STRN3: variants seen among roughly 807,000 people sequenced by gnomAD.
STRN3 encodes striatin-3.
In STRN3, 29 loss-of-function variants were observed where a neutral mutation model predicts 95.6. The observed-to-expected ratio is 0.30, with a 90% CI of 0.23 to 0.41. The LOEUF (loss-of-function observed/expected upper bound fraction) is 0.41, where lower values mean the gene tolerates loss of function less well. Ranked by LOEUF, STRN3 falls within the 10% of genes least tolerant of loss-of-function variation. The probability of loss-of-function intolerance (pLI) is 1.00; values close to 1 mark genes in which losing one functional copy is unlikely to be tolerated. For missense variants in STRN3, 890 were observed against 972.1 expected, an observed-to-expected ratio of 0.92 and a Z score of 1.12; for synonymous variants, 331 against 357.6, an observed-to-expected ratio of 0.93 and a Z score of 0.84.
intron 15 of STRN3, 46 bp downstream of exon 15, chr14:30,905,372 G>A (rs1265881028): frequency 1.3e-6 from 2 of 1,540,144 alleles, no homozygotes; most frequent in African/African-American, 1.4e-5. Context: ...CCTCTATTGT[G>A]TAATAACCCT....
At chr14:30,965,952 GATTACCCACTCCACCCTGACTCATTCCA>G (rs1566462663) in intron 1 of STRN3, among the ~76,000 whole-genome samples, 2 of 151,416 alleles carry the variant, frequency 1.3e-5, no homozygotes, top group African/African-American at 4.9e-5. Flanking sequence ...AATCTTTTTC[GATTACCCACTCCACCCTGACTCATTCCA>G]ATTACCTACT....
In STRN3 at chr14:30,929,954, C is replaced by CAAAAAAAAAAAAAAAAAAAAAAA. The variant is rs1191963792; in HGVS notation, c.989-666_989-644dup. Among the ~76,000 whole-genome samples, 28 of 39,994 alleles carry CAAAAAAAAAAAAAAAAAAAAAAA rather than the reference C, an allele frequency of 7.0e-4. 3 individuals carry two copies. Among genetic ancestry groups the CAAAAAAAAAAAAAAAAAAAAAAA allele is most frequent in the African/African-American group, 9.9e-4 (8 of 8,056 alleles). 26.2% of individuals were successfully genotyped at this position (39,994 alleles called of 152,430 possible). A position where few individuals can be genotyped will look rare whatever the true frequency, so the allele number is the denominator to read the frequency against. On this transcript the variant is annotated intron_variant, in intron 7 of 17. Transcript: ENST00000357479. ...TCCATTGGTCTACAACTAAGATTAGCAAAAAAAAAAAAAAAAAAAAAAAAA... is the reference window on the plus strand; with the variant it reads ...TCCATTGGTCTACAACTAAGATTAGCAAAAAAAAAAAAAAAAAAAAAAAAAAAAAAAAAAAAAAAAAAAAAAAA...
chr14:30,963,567 C>T (rs1197296892), intron 1 of STRN3, among the ~76,000 whole-genome samples: 1 of 152,166 alleles, frequency 6.6e-6, no homozygotes. Flanking sequence ...CGCCACCAAA[C>T]CCAGCTAATT....
intron 1 of STRN3, among the ~76,000 whole-genome samples, chr14:30,980,394 CTTTG>C (rs1881334009): frequency 6.6e-6 from 1 of 151,978 alleles, no homozygotes; most frequent in African/African-American, 2.4e-5. Flanking sequence ...TGCAATGTTT[CTTTG>C]TTTCTTTTTT....
At chr14:30,903,444 T>TA (rs1896378163) in intron 15 of STRN3, among the ~76,000 whole-genome samples, 1 of 152,178 alleles carries the variant, frequency 6.6e-6, no homozygotes, top group Non-Finnish European at 1.5e-5. Flanking sequence ...CTCTGTCACC[T>TA]AGGCTGGAGT....
intron 1 of STRN3, among the ~76,000 whole-genome samples, chr14:31,002,767 G>A (rs1882528085): frequency 1.3e-5 from 2 of 152,132 alleles, no homozygotes; most frequent in African/African-American, 2.4e-5. Flanking sequence ...GTCCACTTAT[G>A]TAAGGTACCT....
chr14:30,929,954 C>CAA lies in STRN3; in HGVS notation c.989-645_989-644dup, dbSNP rs1191963792. 5.8e-3 allele frequency among the ~76,000 whole-genome samples: 233 copies of CAA among 39,976 alleles called. 22 individuals are homozygous for CAA. The highest frequency in any genetic ancestry group is 7.6e-3 in the Non-Finnish European group (171 of 22,436). The allele number at this position is 39,976 out of a possible 152,430, so 26.2% of individuals were successfully genotyped here. A position where few individuals can be genotyped will look rare whatever the true frequency, so the allele number is the denominator to read the frequency against. ...TCCATTGGTCTACAACTAAGATTAGCAAAAAAAAAAAAAAAAAAAAAAAAA... is the reference window on the plus strand; with the variant it reads ...TCCATTGGTCTACAACTAAGATTAGCAAAAAAAAAAAAAAAAAAAAAAAAAAA... On this transcript the variant is annotated intron_variant, in intron 7 of 17. Coordinates refer to ENST00000357479, the MANE Select transcript of STRN3 (RefSeq NM_001083893.2).
chr14:30,901,946 T>A (rs1353077749), intron 16 of STRN3, among the ~76,000 whole-genome samples: 4 of 151,880 alleles, frequency 2.6e-5, no homozygotes, highest in Admixed American at 2.0e-4. Context: ...GGCAGGTGGA[T>A]CATCTGAGGT....
chr14:30,943,903 G>C (rs141051209), intron 5 of STRN3, among the ~76,000 whole-genome samples: 1 of 152,006 alleles, frequency 6.6e-6, no homozygotes, highest in African/African-American at 2.4e-5. Context: ...GCTGCTGTTC[G>C]AAAGTTATTG....
intron 1 of STRN3, among the ~76,000 whole-genome samples, chr14:30,967,283 G>A (rs1297892170): frequency 6.9e-6 from 1 of 144,176 alleles, no homozygotes; most frequent in East Asian, 2.3e-4. Flanking sequence ...GAGAGGCAGA[G>A]AGGGGGGAAA....
intron 1 of STRN3, among the ~76,000 whole-genome samples, chr14:30,968,169 A>G (rs553508825): frequency 2.0e-5 from 3 of 152,274 alleles, no homozygotes; most frequent in East Asian, 3.9e-4. Flanking sequence ...CAACAAAAGC[A>G]AAGTTTGCTA....
intron 4 of STRN3, among the ~76,000 whole-genome samples, chr14:30,950,120 C>T (rs1411325955): frequency 6.6e-6 from 1 of 151,452 alleles, no homozygotes; most frequent in African/African-American, 2.4e-5. Flanking sequence ...ATAAAAGCAA[C>T]CATAGGTAGA....
intron 1 of STRN3, among the ~76,000 whole-genome samples, chr14:31,005,703 C>A (rs938756226): frequency 3.1e-4 from 47 of 152,212 alleles, no homozygotes; most frequent in African/African-American, 1.1e-3. Flanking sequence ...TGCAGGCAGG[C>A]TCTACTCAAA....
intron 7 of STRN3, among the ~76,000 whole-genome samples, chr14:30,934,399 C>T (rs1339270752): frequency 2.0e-5 from 3 of 152,076 alleles, no homozygotes; most frequent in African/African-American, 7.2e-5. Flanking sequence ...TTCTACCTAC[C>T]ACACAACATG....
At chr14:30,922,638 G>A (rs1896913597) in intron 8 of STRN3, among the ~76,000 whole-genome samples, 1 of 152,126 alleles carries the variant, frequency 6.6e-6, no homozygotes, top group Admixed American at 6.5e-5. Flanking sequence ...AAGCTTAACT[G>A]TTAGCAGGCA....
At position 30,895,508 on chromosome 14, in the gene STRN3, T is replaced by C. The variant is rs1315986791; in HGVS notation, c.2297A>G (p.Lys766Arg). 1.9e-6 allele frequency: 3 copies of C among 1,614,064 alleles called. No homozygotes were observed. Among genetic ancestry groups the C allele is most frequent in the African/African-American group, 2.7e-5 (2 of 74,952 alleles). Reference protein sequence around the residue: ...TCVQEITAHRKKLDESIYDVA... With the variant: ...TCVQEITAHRRKLDESIYDVA... ...ATCATAAATTGATTCATCCAATTTC[T>C]TTCTGTGAGCTGTTATTTCTTGCAC... The change falls in exon 18 of 18, where the codon AAG becomes AGG. Residue 766 changes from lysine to arginine, a missense_variant. Physicochemically the swap from Lys to Arg is conservative, Grantham distance 26 (BLOSUM62 2). Transcript: ENST00000357479.
chr14:30,919,279 G>T (rs1896820055), intron 8 of STRN3, among the ~76,000 whole-genome samples, 173 bp from the exon 9 acceptor site: 1 of 151,706 alleles, frequency 6.6e-6, no homozygotes, highest in Non-Finnish European at 1.5e-5. Context: ...AACACATTGA[G>T]TTTAAATATT....
At chr14:30,968,441 G>A (rs1313540100) in intron 1 of STRN3, among the ~76,000 whole-genome samples, 1 of 151,188 alleles carries the variant, frequency 6.6e-6, no homozygotes, top group Non-Finnish European at 1.5e-5. Context: ...CAACACTTTG[G>A]GAGGCCGAGG....
chr14:30,984,695 T>C (rs1187159140), intron 1 of STRN3, among the ~76,000 whole-genome samples: 1 of 151,244 alleles, frequency 6.6e-6, no homozygotes, highest in Non-Finnish European at 1.5e-5. Flanking sequence ...GGAGAATCAC[T>C]TGAAATGGGG....
Sources: gnomAD v4.1 joint callset for allele counts (sites outside exome capture counted in the v4.1 genomes callset) on GRCh38, gnomAD v4.1.1 for gene constraint, MANE v1.5 for transcripts, NCBI Gene and HGNC (gene_info 2026-07-23, HGNC 2026-07-21) for gene names.